GRID2: variants seen among roughly 807,000 people sequenced by gnomAD.
The protein encoded by GRID2 is glutamate ionotropic receptor delta type subunit 2, also known as glutamate receptor ionotropic, delta-2.
GRID2 carries 33 observed loss-of-function variants against 114.8 expected under a neutral mutation model. That is an observed-to-expected ratio of 0.29 (90% CI 0.22 to 0.38). The LOEUF (loss-of-function observed/expected upper bound fraction) is 0.38. Among genes scored for constraint, GRID2 ranks in the 10% least tolerant of loss-of-function variants. The pLI is 1.00. For synonymous variants in GRID2, 505 were observed against 449.9 expected, an observed-to-expected ratio of 1.12 and a Z score of -1.55; for missense variants, 1,184 against 1,257.7, an observed-to-expected ratio of 0.94 and a Z score of 0.89.
chr4:93,543,294 A>G (rs1174432823), intron 13 of GRID2, among the ~76,000 whole-genome samples: 1 of 152,198 alleles, frequency 6.6e-6, no homozygotes, highest in Non-Finnish European at 1.5e-5. Context: ...GAGAAAAAAA[A>G]TATGAAGTAC....
At chr4:93,048,880 G>T (rs1161507615) in intron 2 of GRID2, among the ~76,000 whole-genome samples, 1 of 152,032 alleles carries the variant, frequency 6.6e-6, no homozygotes, top group East Asian at 1.9e-4. Context: ...TAGGAAGAAG[G>T]TTTCAATTCA....
intron 2 of GRID2, among the ~76,000 whole-genome samples, chr4:92,655,183 C>T: frequency 6.6e-6 from 1 of 151,898 alleles, no homozygotes; most frequent in Non-Finnish European, 1.5e-5. Context: ...GTGACTTTGT[C>T]AAAGACGAGT....
chr4:92,493,127 C>T (rs1306137577), intron 1 of GRID2, among the ~76,000 whole-genome samples: 1 of 48,480 alleles, frequency 2.1e-5, no homozygotes, highest in African/African-American at 6.7e-5. Flanking sequence ...GACTCCATCT[C>T]AAAAAAAAAA....
At chr4:93,279,570 T>C (rs2149583315) in intron 8 of GRID2, among the ~76,000 whole-genome samples, 1 of 152,030 alleles carries the variant, frequency 6.6e-6, no homozygotes, top group Non-Finnish European at 1.5e-5. Context: ...AGGTAATACA[T>C]AATCTATTAT....
chr4:93,130,667 C>T (rs1734717018), intron 4 of GRID2, among the ~76,000 whole-genome samples: 1 of 152,082 alleles, frequency 6.6e-6, no homozygotes, highest in African/African-American at 2.4e-5. Flanking sequence ...CACCAGTATT[C>T]CCATAATTTA....
At chr4:92,887,506 C>T (rs114600458) in intron 2 of GRID2, among the ~76,000 whole-genome samples, 2,504 of 150,622 alleles carry the variant, frequency 0.017, 34 homozygotes, top group Non-Finnish European at 0.021. Flanking sequence ...ACTCATTGTG[C>T]ACCCCTCTCA....
intron 14 of GRID2, among the ~76,000 whole-genome samples, chr4:93,671,532 C>T (rs1459348842): frequency 6.6e-6 from 1 of 152,074 alleles, no homozygotes; most frequent in East Asian, 1.9e-4. Context: ...ATCATTTAGC[C>T]CCTCTACAAC....
chr4:93,630,138 T>C (rs1471646403), intron 14 of GRID2, among the ~76,000 whole-genome samples: 1 of 152,222 alleles, frequency 6.6e-6, no homozygotes, highest in Non-Finnish European at 1.5e-5. Flanking sequence ...TGCTTCCTTT[T>C]GTGTCCTTTC....
At chr4:93,467,032 T>A (rs533628652) in intron 11 of GRID2, among the ~76,000 whole-genome samples, 2 of 152,330 alleles carry the variant, frequency 1.3e-5, no homozygotes, top group East Asian at 1.9e-4. Context: ...GCTAAGTATC[T>A]ATTCCCACTA....
intron 8 of GRID2, among the ~76,000 whole-genome samples, chr4:93,370,954 A>C (rs1484394368): frequency 6.6e-6 from 1 of 152,190 alleles, no homozygotes; most frequent in Non-Finnish European, 1.5e-5. Context: ...GGCACGATTT[A>C]CCTATATCTG....
At chr4:93,054,723 C>T (rs1336165386) in intron 2 of GRID2, among the ~76,000 whole-genome samples, 2 of 151,440 alleles carry the variant, frequency 1.3e-5, no homozygotes, top group African/African-American at 4.9e-5. Flanking sequence ...ATGGTGTTTT[C>T]AAAGAAGATA....
chr4:92,516,510 A>G (rs1419901638), intron 1 of GRID2, among the ~76,000 whole-genome samples: 1 of 151,906 alleles, frequency 6.6e-6, no homozygotes, highest in African/African-American at 2.4e-5. Flanking sequence ...AATCATTTTA[A>G]TGATATCAGA....
intron 4 of GRID2, among the ~76,000 whole-genome samples, chr4:93,119,972 C>T (rs555449482): frequency 2.6e-5 from 4 of 151,994 alleles, no homozygotes; most frequent in Non-Finnish European, 4.4e-5. Flanking sequence ...ATGGACAGAT[C>T]GCAAAAATGT....
At chr4:93,278,923 A>G (rs1752359472) in intron 8 of GRID2, among the ~76,000 whole-genome samples, 1 of 151,734 alleles carries the variant, frequency 6.6e-6, no homozygotes, top group Non-Finnish European at 1.5e-5. Context: ...CTCTAACGTT[A>G]TAAACCTTTA....
chr4:93,746,623 A>G (rs774000135), intron 14 of GRID2, among the ~76,000 whole-genome samples: 6 of 152,120 alleles, frequency 3.9e-5, no homozygotes, highest in Non-Finnish European at 8.8e-5. Context: ...GAAAGTACAA[A>G]ATGTTAAAAA....
rs556129808 is a variant in GRID2 at position 92,881,410 on chromosome 4, A to G, written c.245-203585A>G. On this transcript the variant is annotated intron_variant, in intron 2 of 15. Transcript: ENST00000282020. ...AATACAGAAGCTAAGTACTTGGCCA[A>G]TCAAATCCTTCACTGAATACTAGAG... Among the ~76,000 whole-genome samples the G allele has an allele frequency of 2.4e-3, 363 of 152,302 alleles. 2 individuals carry two copies. Among genetic ancestry groups the G allele is most frequent in the African/African-American group, 8.2e-3 (342 of 41,564 alleles).
chr4:92,938,892 A>T (rs1750879482), intron 2 of GRID2, among the ~76,000 whole-genome samples: 2 of 146,682 alleles, frequency 1.4e-5, no homozygotes, highest in Admixed American at 1.5e-4. Flanking sequence ...AAGGACATGA[A>T]CTCATCATTT....
chr4:93,280,517 A>G (rs1211260781), intron 8 of GRID2, among the ~76,000 whole-genome samples: 1 of 152,018 alleles, frequency 6.6e-6, no homozygotes, highest in Non-Finnish European at 1.5e-5. Context: ...AAATTTCCCC[A>G]GGATATAATG....
chr4:92,306,105 G>A (rs994229037), intron 1 of GRID2, among the ~76,000 whole-genome samples: 1 of 152,240 alleles, frequency 6.6e-6, no homozygotes, highest in African/African-American at 2.4e-5. Flanking sequence ...CCCAAGCGAG[G>A]GATTTCTGTC....
Sources: gnomAD v4.1 joint callset for allele counts (sites outside exome capture counted in the v4.1 genomes callset) on GRCh38, gnomAD v4.1.1 for gene constraint, MANE v1.5 for transcripts, NCBI Gene and HGNC (gene_info 2026-07-23, HGNC 2026-07-21) for gene names.